ZNF626: variants seen among roughly 807,000 people sequenced by gnomAD.
ZNF626 encodes zinc finger protein 626.
Under a neutral mutation model 11.7 loss-of-function variants are expected in ZNF626, and 4 were observed. That is an observed-to-expected ratio of 0.34 (90% CI 0.17 to 0.78). The LOEUF (loss-of-function observed/expected upper bound fraction) is 0.78, where lower values mean the gene tolerates loss of function less well. ZNF626 is among the 30% of genes least tolerant of loss of function. The pLI, the probability that ZNF626 is intolerant of heterozygous loss-of-function variation, is 0.57. For missense variants in ZNF626, 588 were observed against 587.1 expected (o/e 1.00, Z -0.01); for synonymous variants, 179 against 198.6 (o/e 0.90, Z 0.83).
At chr19:20,631,610 CCT>C (rs1250589437) in intron 3 of ZNF626, among the ~76,000 whole-genome samples, 1 of 116,602 alleles carries the variant, frequency 8.6e-6, no homozygotes, top group Non-Finnish European at 1.7e-5. Flanking sequence ...GATTGCAACC[CCT>C]GCCTTTTTTT....
At chr19:20,634,951 T>C (rs1555770792) in intron 3 of ZNF626, among the ~76,000 whole-genome samples, 2 of 152,242 alleles carry the variant, frequency 1.3e-5, no homozygotes, top group Non-Finnish European at 2.9e-5. Flanking sequence ...ATGTTAGCTT[T>C]CACATAATTA....
chr19:20,653,641 CAAA>C (rs200611424), intron 1 of ZNF626, among the ~76,000 whole-genome samples: 631 of 40,426 alleles, frequency 0.016, 14 homozygotes, highest in East Asian at 0.14. Context: ...GCCCTCCCAG[CAAA>C]AAAAAAAAGA....
intron 3 of ZNF626, 39 bp downstream of exon 3, chr19:20,645,645 T>A: frequency 6.3e-7 from 1 of 1,593,386 alleles, no homozygotes. Context: ...GGACCCCTTA[T>A]CTGTGTCATC....
chr19:20,627,794 T>C (rs2144765970), intron 3 of ZNF626, among the ~76,000 whole-genome samples: 1 of 152,334 alleles, frequency 6.6e-6, no homozygotes, highest in South Asian at 2.1e-4. Context: ...TTATTATTAT[T>C]ACACTTTAAG....
In ZNF626 at chr19:20,623,500, T is replaced by C. The variant is rs1969780356; in HGVS notation, c.*790A>G. 1.3e-5 allele frequency: 2 copies of C among 154,578 alleles called. No homozygotes were observed. Among genetic ancestry groups the C allele is most frequent in the Non-Finnish European group, 2.9e-5 (2 of 69,630 alleles). The allele number at this position is 154,578 out of a possible 1,614,324, so 9.6% of individuals were successfully genotyped here. A position where few individuals can be genotyped will look rare whatever the true frequency, so the allele number is the denominator to read the frequency against. ...CAGAATGAATTATCACCATGTCTCT[T>C]AATAGTAAGAACTTGTGGCCAGGCA... is the stretch of plus-strand genomic sequence containing the variant. On this transcript the variant is annotated 3_prime_UTR_variant, in exon 4 of 4. Coordinates refer to ENST00000601440, the MANE Select transcript of ZNF626 (RefSeq NM_001076675.3).
chr19:20,657,697 T>C (rs530879680), intron 1 of ZNF626, among the ~76,000 whole-genome samples: 26 of 151,618 alleles, frequency 1.7e-4, no homozygotes, highest in African/African-American at 6.3e-4. Context: ...CCCAGCTACA[T>C]AGGAGGCTGA....
Position 20,620,935 on chromosome 19 carries a change from GT to G in ZNF626, c.*3354del, listed in dbSNP as rs1555768637. The G allele has an allele frequency of 6.6e-6, 1 of 152,260 alleles. No homozygotes were observed. Among genetic ancestry groups the G allele is most frequent in the Non-Finnish European group, 1.5e-5 (1 of 68,346 alleles). 9.4% of individuals were successfully genotyped at this position (152,260 alleles called of 1,614,324 possible). The stretch of plus-strand genomic sequence containing the variant: ...GCTCACTGCAACCTCTGCCTCCTGG[GT>G]TACACCATTCTCCCGCCTCAGCCTC... On this transcript the variant is annotated 3_prime_UTR_variant, in exon 4 of 4. Transcript: ENST00000601440.
rs1330184749 is a variant in ZNF626, at chr19:20,622,717, A to G, written c.*1573T>C. 6.6e-6 allele frequency: 1 copy of G among 152,234 alleles called. No individual in the cohort carries two copies. Among genetic ancestry groups the G allele is most frequent in the Non-Finnish European group, 1.5e-5 (1 of 68,038 alleles). The allele number at this position is 152,234 out of a possible 1,614,324, so 9.4% of individuals were successfully genotyped here. On this transcript the variant is annotated 3_prime_UTR_variant, in exon 4 of 4. Transcript: ENST00000601440. ...ACTTATATACAAATTTAACAACTTT[A>G]GTTGTGAATTCATTTATATACTCAA...
intron 3 of ZNF626, among the ~76,000 whole-genome samples, chr19:20,638,617 G>A (rs1473791448): frequency 1.3e-5 from 2 of 151,708 alleles, no homozygotes; most frequent in Admixed American, 6.6e-5. Context: ...AATTGAGTGG[G>A]GTAGTCATAA....
In ZNF626 at chr19:20,624,720, G is replaced by A. The variant is rs199778234; in HGVS notation, c.1157C>T (p.Thr386Met). The change falls in exon 4 of 4, where the codon ACG becomes ATG. Residue 386 changes from threonine to methionine, a missense_variant. Physicochemically the swap from Thr to Met is moderately conservative, Grantham distance 81. This residue lies in a region of ZNF626 where 524 missense variants were observed against 470.1 expected (regional missense o/e 1.11). Transcript: ENST00000601440. The part of the protein sequence containing the change: ...KAFKRSSDLT[T>M]HKIIHTGEKP... The stretch of plus-strand genomic sequence containing the variant: ...CTCTCCAGTATGAATTATCTTATGC[G>A]TAGTAAGGTCTGAAGACCGCTTGAA... 1.4e-4 allele frequency: 226 copies of A among 1,609,580 alleles called. No homozygotes were observed. Among genetic ancestry groups the A allele is most frequent in the East Asian group, 2.0e-4 (9 of 44,502 alleles).
At chr19:20,629,920 A>G (rs767301546) in intron 3 of ZNF626, among the ~76,000 whole-genome samples, 4 of 152,216 alleles carry the variant, frequency 2.6e-5, no homozygotes, top group Non-Finnish European at 2.9e-5. Flanking sequence ...TGGGTTTGTC[A>G]TAGATAGCTC....
At chr19:20,635,283 T>C (rs1555770807) in intron 3 of ZNF626, among the ~76,000 whole-genome samples, 1 of 152,220 alleles carries the variant, frequency 6.6e-6, no homozygotes, top group Non-Finnish European at 1.5e-5. Flanking sequence ...AAAAACATTC[T>C]AGTGATGTTG....
intron 3 of ZNF626, among the ~76,000 whole-genome samples, chr19:20,631,823 C>T (rs1969909265): frequency 6.6e-6 from 1 of 151,556 alleles, no homozygotes; most frequent in Non-Finnish European, 1.5e-5. Context: ...GAATTTGATC[C>T]TGTCATTATG....
At chr19:20,651,090 G>A (rs1372062134) in intron 1 of ZNF626, among the ~76,000 whole-genome samples, 1 of 151,736 alleles carries the variant, frequency 6.6e-6, no homozygotes, top group African/African-American at 2.4e-5. Flanking sequence ...GGGAGGCTGA[G>A]GCAGGAGAAT....
At position 20,624,556 on chromosome 19, in the gene ZNF626, T is replaced by C. The variant is rs202080946; in HGVS notation, c.1321A>G (p.Thr441Ala). The C allele has an allele frequency of 9.4e-6, 15 of 1,603,252 alleles. No individual in the cohort carries two copies. The highest frequency in any genetic ancestry group is 1.3e-5 in the Non-Finnish European group (15 of 1,176,804). The change falls in exon 4 of 4, where the codon ACT becomes GCT. Residue 441 changes from threonine (T) to alanine (A), a missense_variant. By Grantham distance (58) the Thr-to-Ala change is moderately conservative. Transcript: ENST00000601440. ...GKAFNQSSIL[T>A]THRRIHTGEK... Reference sequence around the variant, plus strand: ...CCAGTATGAATTCTCCTATGTGTAGTAAGGATTGAGGACTGGTTGAAGGCT... The same window carrying C: ...CCAGTATGAATTCTCCTATGTGTAGCAAGGATTGAGGACTGGTTGAAGGCT...
In ZNF626 at chr19:20,625,064, G is replaced by T; in HGVS notation, c.813C>A (p.Thr271=). The T allele has an allele frequency of 4.3e-6, 7 of 1,613,294 alleles. No individual in the cohort carries two copies. The highest frequency in any genetic ancestry group is 5.9e-6 in the Non-Finnish European group (7 of 1,179,802). The change falls in exon 4 of 4, where the codon ACC becomes ACA. Residue 271 remains threonine, a synonymous_variant. Transcript: ENST00000601440. The part of the protein sequence containing the change: ...KCGKAFMSSS[T]LSKHEIIHTE... ...TATGAATTATCTCATGTTTACTAAG[G>T]GTTGAGGATGACATAAAGGCTTTGC...
intron 1 of ZNF626, among the ~76,000 whole-genome samples, chr19:20,655,146 T>A (rs987621389): frequency 6.6e-6 from 1 of 152,060 alleles, no homozygotes; most frequent in African/African-American, 2.4e-5. Context: ...TTAATTTATA[T>A]GAATGCAGAT....
At chr19:20,628,412 C>G (rs1555770030) in intron 3 of ZNF626, among the ~76,000 whole-genome samples, 1 of 152,198 alleles carries the variant, frequency 6.6e-6, no homozygotes, top group African/African-American at 2.4e-5. Flanking sequence ...TAAAAGTGTT[C>G]CTATTTCTCC....
At position 20,623,761 on chromosome 19, in the gene ZNF626, T is replaced by A; in HGVS notation, c.*529A>T. The stretch of plus-strand genomic sequence containing the variant: ...TTGCAGTGAGCCGAGACTGTGCTAT[T>A]GCACACCAGACTGGGTGACAAGAGT... On this transcript the variant is annotated 3_prime_UTR_variant, in exon 4 of 4. Coordinates refer to ENST00000601440, the MANE Select transcript of ZNF626 (RefSeq NM_001076675.3). 4.1e-6 allele frequency: 1 copy of A among 245,712 alleles called. No homozygotes were observed. Among genetic ancestry groups the A allele is most frequent in the Non-Finnish European group, 7.9e-6 (1 of 127,106 alleles). 15.2% of individuals were successfully genotyped at this position (245,712 alleles called of 1,614,324 possible). A position where few individuals can be genotyped will look rare whatever the true frequency, so the allele number is the denominator to read the frequency against.
Sources: gnomAD v4.1 joint callset for allele counts (sites outside exome capture counted in the v4.1 genomes callset) on GRCh38, gnomAD v4.1.1 for gene constraint, gnomAD v4.1.1 regional missense constraint, MANE v1.5 for transcripts, NCBI Gene and HGNC (gene_info 2026-07-23, HGNC 2026-07-21) for gene names.